ARFGEF3: variants seen among roughly 807,000 people sequenced by gnomAD.
The protein encoded by ARFGEF3 is brefeldin A-inhibited guanine nucleotide-exchange protein 3.
In ARFGEF3, 96 loss-of-function variants were observed where a neutral mutation model predicts 221.7. The ratio of observed to expected loss-of-function variants is 0.43; its 90% CI spans 0.37 to 0.51. The LOEUF is 0.51. Among genes scored for constraint, ARFGEF3 ranks in the 20% least tolerant of loss-of-function variants. The pLI, the probability that ARFGEF3 is intolerant of heterozygous loss-of-function variation, is 0.00. For missense variants in ARFGEF3, 2,410 were observed against 2,789.9 expected (o/e 0.86, Z 3.07); for synonymous variants, 1,145 against 1,126.8 (o/e 1.02, Z -0.32).
chr6:138,305,686 T>C (rs1779710894), intron 22 of ARFGEF3, among the ~76,000 whole-genome samples: 1 of 151,688 alleles, frequency 6.6e-6, no homozygotes, highest in Non-Finnish European at 1.5e-5. Flanking sequence ...ATATGGAATT[T>C]ATCCCAGCAA....
At chr6:138,215,026 A>G (rs897399956) in intron 4 of ARFGEF3, among the ~76,000 whole-genome samples, 1 of 152,272 alleles carries the variant, frequency 6.6e-6, no homozygotes, top group Non-Finnish European at 1.5e-5. Flanking sequence ...GAAATGGATT[A>G]GTAGACTATT....
rs1177971368 is a variant in ARFGEF3 at position 138,280,124 on chromosome 6, C to T, written c.2421C>T (p.Ser807=). 10 of 1,613,850 alleles carry T rather than the reference C, an allele frequency of 6.2e-6. No homozygotes were observed. Among genetic ancestry groups the T allele is most frequent in the Non-Finnish European group, 8.5e-6 (10 of 1,179,768 alleles). Residue 807 remains serine (S), a synonymous_variant, in exon 14 of 34, where the codon AGC becomes AGT. Transcript: ENST00000251691. ...NMLGEAGYWG[S]PEDNSLPLIT... is the part of the protein sequence containing the mutation. ...TTGGAGAGGCTGGCTATTGGGGCAG[C>T]CCAGAAGATAACAGCCTTCCCCTCA...
At chr6:138,319,489 T>G (rs1008015961) in intron 27 of ARFGEF3, among the ~76,000 whole-genome samples, 5 of 152,114 alleles carry the variant, frequency 3.3e-5, no homozygotes, top group African/African-American at 1.2e-4. Flanking sequence ...TTTAGGAGTA[T>G]ATTCACATAT....
Position 138,338,014 on chromosome 6 carries a change from A to G in ARFGEF3, c.*1528A>G, listed in dbSNP as rs1780362155. 6.6e-6 allele frequency: 1 copy of G among 152,224 alleles called. No homozygotes were observed. Among genetic ancestry groups the G allele is most frequent in the Non-Finnish European group, 1.5e-5 (1 of 68,044 alleles). 9.4% of individuals were successfully genotyped at this position (152,224 alleles called of 1,614,324 possible). On this transcript the variant is annotated 3_prime_UTR_variant, in exon 34 of 34. Transcript: ENST00000251691. The stretch of plus-strand genomic sequence containing the variant: ...GAAATATGGAACTACCTTAGAGGTT[A>G]AGAGGAAGGCAGTGTTCTGACTTCT...
At chr6:138,163,055 C>G (rs1320920102) in intron 1 of ARFGEF3, among the ~76,000 whole-genome samples, 1 of 152,224 alleles carries the variant, frequency 6.6e-6, no homozygotes, top group Non-Finnish European at 1.5e-5. Context: ...AATTGACTCC[C>G]TTTCCCTTGC....
chr6:138,272,110 C>G (rs898991822), intron 12 of ARFGEF3, among the ~76,000 whole-genome samples: 1 of 151,854 alleles, frequency 6.6e-6, no homozygotes, highest in Non-Finnish European at 1.5e-5. Flanking sequence ...AACAGAAACT[C>G]AGGCAGAGAT....
intron 9 of ARFGEF3, 70 bp from the exon 10 acceptor site, chr6:138,255,366 G>GT: frequency 8.7e-7 from 1 of 1,146,978 alleles, no homozygotes; most frequent in East Asian, 2.4e-5. Context: ...TATGGCATCT[G>GT]TTTACTCGCA....
rs1396717715 is a variant in ARFGEF3, at chr6:138,296,693, C to T, written c.3503-117C>T. ...AGGGCTCCCTCCTCCCTTGGTTAGC[C>T]AATATCGAATTACCCTACTGGTCCT... On this transcript the variant is annotated intron_variant, in intron 20 of 33. Transcript: ENST00000251691. 4.1e-6 allele frequency: 5 copies of T among 1,227,410 alleles called. No individual in the cohort carries two copies. In the East Asian group the frequency reaches 1.2e-4, roughly 29 times the overall value. 76.0% of individuals were successfully genotyped at this position (1,227,410 alleles called of 1,614,324 possible). A position where few individuals can be genotyped will look rare whatever the true frequency, so the allele number is the denominator to read the frequency against.
chr6:138,286,811 A>G lies in ARFGEF3; in HGVS notation c.2680A>G (p.Ile894Val). The change falls in exon 16 of 34, where the codon ATT becomes GTT. Residue 894 changes from isoleucine to valine, a missense_variant. Transcript: ENST00000251691. ...MAGSSKGLAF[I>V]LGAEGIKEQN... ...GGGGAGCTCCAAAGGGCTGGCCTTC[A>G]TTCTGGGAGCTGAAGGCATCAAAGA... 6.2e-7 allele frequency: 1 copy of G among 1,614,046 alleles called. No homozygotes were observed. Among genetic ancestry groups the G allele is most frequent in the Non-Finnish European group, 8.5e-7 (1 of 1,179,894 alleles).
chr6:138,328,259 T>A (rs766837185), intron 32 of ARFGEF3, 117 bp downstream of exon 32: 41 of 1,234,388 alleles, frequency 3.3e-5, no homozygotes, highest in Non-Finnish European at 4.2e-5. Context: ...ATTTGTGGAG[T>A]CATTTAGCAA....
At chr6:138,191,414 TATCTTA>T (rs1297621421) in intron 2 of ARFGEF3, among the ~76,000 whole-genome samples, 1 of 152,106 alleles carries the variant, frequency 6.6e-6, no homozygotes, top group Non-Finnish European at 1.5e-5. Context: ...GAAATGGACA[TATCTTA>T]GAAGGACAGC....
rs530932934 is a variant in ARFGEF3 at position 138,205,623 on chromosome 6, G to A, written c.138-1419G>A. ...GTTTGCCTTGTAATTGTGACAAGCC[G>A]ACAGTAAGATAACAGTGACAAAGTT... On this transcript the variant is annotated intron_variant, in intron 2 of 33. Coordinates refer to ENST00000251691, the MANE Select transcript of ARFGEF3 (RefSeq NM_020340.5). 8.5e-5 allele frequency among the ~76,000 whole-genome samples: 13 copies of A among 152,298 alleles called. No individual in the cohort carries two copies. In the South Asian group the frequency reaches 1.2e-3, roughly 15 times the overall value.
chr6:138,240,628 T>C (rs1243678444), intron 6 of ARFGEF3, among the ~76,000 whole-genome samples: 1 of 152,120 alleles, frequency 6.6e-6, no homozygotes, highest in African/African-American at 2.4e-5. Flanking sequence ...GGAGGCAAGA[T>C]CTCAAATTAG....
intron 8 of ARFGEF3, among the ~76,000 whole-genome samples, chr6:138,246,584 C>T (rs932326688): frequency 1.4e-4 from 22 of 152,174 alleles, no homozygotes; most frequent in African/African-American, 5.1e-4. Flanking sequence ...TTCGTCAATT[C>T]TTCTGTTGTT....
intron 14 of ARFGEF3, among the ~76,000 whole-genome samples, chr6:138,282,965 C>G (rs1170532525): frequency 2.6e-5 from 4 of 152,046 alleles, no homozygotes; most frequent in Non-Finnish European, 5.9e-5. Flanking sequence ...GTGGAAGAAC[C>G]CCTTGAACCT....
intron 14 of ARFGEF3, among the ~76,000 whole-genome samples, chr6:138,281,898 G>C (rs991012848): frequency 6.6e-6 from 1 of 152,162 alleles, no homozygotes; most frequent in Non-Finnish European, 1.5e-5. Context: ...CTCCAGCCTT[G>C]CCCTGGATTG....
intron 7 of ARFGEF3, 42 bp from the exon 8 acceptor site, chr6:138,245,471 C>A: frequency 7.1e-7 from 1 of 1,405,726 alleles, no homozygotes. Flanking sequence ...TCGTCGTGCC[C>A]CCTGTCGATG....
rs1780333852 is a variant in ARFGEF3 at position 138,336,756 on chromosome 6, G to GTATATTTCCCAGTGCTT, written c.*272_*288dup. 3.9e-6 allele frequency: 1 copy of GTATATTTCCCAGTGCTT among 254,862 alleles called. No individual in the cohort carries two copies. The highest frequency in any genetic ancestry group is 2.2e-5 in the African/African-American group (1 of 45,032). The allele number at this position is 254,862 out of a possible 1,614,324, so 15.8% of individuals were successfully genotyped here. A position where few individuals can be genotyped will look rare whatever the true frequency, so the allele number is the denominator to read the frequency against. Reference sequence around the variant, plus strand: ...CCTTGATATGTTTCTAACTCTTGAAGTATATTTCCCAGTGCTTTTGCTTAC... The same window carrying GTATATTTCCCAGTGCTT: ...CCTTGATATGTTTCTAACTCTTGAAGTATATTTCCCAGTGCTTTATATTTCCCAGTGCTTTTGCTTAC... On this transcript the variant is annotated 3_prime_UTR_variant, in exon 34 of 34. Coordinates refer to ENST00000251691, the MANE Select transcript of ARFGEF3 (RefSeq NM_020340.5).
Position 138,298,790 on chromosome 6 carries a change from G to T in ARFGEF3, c.3828+5G>T. On this transcript the variant is annotated splice_donor_5th_base_variant and intron_variant, in intron 22 of 33. Coordinates refer to ENST00000251691, the MANE Select transcript of ARFGEF3 (RefSeq NM_020340.5). ...GATGAGGACGTCCAAGACCAGGTCA[G>T]TGTGACATGGTCATCAGCGTCATAG... 6.2e-7 allele frequency: 1 copy of T among 1,608,164 alleles called. No homozygotes were observed. Among genetic ancestry groups the T allele is most frequent in the Non-Finnish European group, 8.5e-7 (1 of 1,176,660 alleles).
Sources: gnomAD v4.1 joint callset for allele counts (sites outside exome capture counted in the v4.1 genomes callset) on GRCh38, gnomAD v4.1.1 for gene constraint, MANE v1.5 for transcripts, NCBI Gene and HGNC (gene_info 2026-07-23, HGNC 2026-07-21) for gene names.